Variants in DSCC1 observed in about 807,000 individuals in gnomAD.
The protein encoded by DSCC1 is DNA replication and sister chromatid cohesion 1, also known as sister chromatid cohesion protein DCC1.
A neutral mutation model predicts 48.2 loss-of-function variants in DSCC1; 32 were observed. The ratio of observed to expected loss-of-function variants is 0.66; its 90% CI spans 0.50 to 0.89. DSCC1 has a LOEUF of 0.89. Among genes scored for constraint, DSCC1 ranks in the 40% least tolerant of loss-of-function variants. DSCC1 has a pLI of 0.00. For missense variants in DSCC1, 421 were observed against 471.7 expected (o/e 0.89, Z 1.00); for synonymous variants, 150 against 171.5 (o/e 0.87, Z 0.98).
chr8:119,853,095 C>T lies in DSCC1; in HGVS notation c.303G>A (p.Pro101=), dbSNP rs141075454. Residue 101 remains proline, a synonymous_variant, in exon 2 of 9, where the codon CCG becomes CCA. Transcript: ENST00000313655. ...GTGAATCTTCCTTCTTCAACTGGTC[C>T]GGAGTTTTACAACCAGGAATGAAAA... ...MLLFIPGCKT[P]DQLKKEDSHC... is the part of the protein sequence containing the mutation. The T allele has an allele frequency of 3.0e-5, 49 of 1,613,816 alleles. No individual in the cohort carries two copies. Among genetic ancestry groups the T allele is most frequent in the African/African-American group, 6.7e-5 (5 of 74,974 alleles).
At chr8:119,847,658 CTTCTTT>C (rs200603677) in intron 3 of DSCC1, among the ~76,000 whole-genome samples, 2,866 of 121,576 alleles carry the variant, frequency 0.024, 89 homozygotes, top group African/African-American at 0.077. Context: ...TTTATTTTTT[CTTCTTT>C]TTCTTTTTTT....
At chr8:119,845,051 T>TTTTATTTATTTA (rs67730947) in intron 4 of DSCC1, among the ~76,000 whole-genome samples, 2 of 138,336 alleles carry the variant, frequency 1.4e-5, no homozygotes, top group Admixed American at 7.4e-5. Context: ...TGACATGCCA[T>TTTTATTTATTTA]TTTATTTATT....
Position 119,841,869 on chromosome 8 carries a change from G to A in DSCC1, c.849C>T (p.Phe283=). 3 of 1,614,112 alleles carry A rather than the reference G, an allele frequency of 1.9e-6. No individual in the cohort carries two copies. The highest frequency in any genetic ancestry group is 2.5e-6 in the Non-Finnish European group (3 of 1,180,014). Residue 283 remains phenylalanine, a synonymous_variant, in exon 7 of 9, where the codon TTC becomes TTT. Transcript: ENST00000313655. ...ARMLLQNAVK[F]NLAEFQEVWQ... Reference sequence around the variant, plus strand: ...ACACTTCTTGAAACTCAGCGAGATTGAATTTCACCGCATTCTGAAGTAGCA... The same window carrying A: ...ACACTTCTTGAAACTCAGCGAGATTAAATTTCACCGCATTCTGAAGTAGCA...
chr8:119,849,313 G>A (rs1367764089), intron 3 of DSCC1, among the ~76,000 whole-genome samples: 1 of 152,072 alleles, frequency 6.6e-6, no homozygotes, highest in Non-Finnish European at 1.5e-5. Flanking sequence ...GGCTGAGGCA[G>A]GAGAATCACT....
chr8:119,853,231 G>T lies in DSCC1; in HGVS notation c.183-16C>A. On this transcript the variant is annotated splice_polypyrimidine_tract_variant and intron_variant, in intron 1 of 8. Transcript: ENST00000313655. ...AATCACAAGACTGTAGCAAAATGGGGGAAAAATATATAGTTTATTGACAAT... is the reference window on the plus strand; with the variant it reads ...AATCACAAGACTGTAGCAAAATGGGTGAAAAATATATAGTTTATTGACAAT... 1 of 1,591,618 alleles carries T rather than the reference G, an allele frequency of 6.3e-7. No individual in the cohort carries two copies. Among genetic ancestry groups the T allele is most frequent in the Non-Finnish European group, 8.6e-7 (1 of 1,165,988 alleles).
chr8:119,839,362 G>T (rs1826734020), intron 7 of DSCC1: 1 of 152,220 alleles, frequency 6.6e-6, no homozygotes, highest in Admixed American at 6.5e-5. Flanking sequence ...AGGAAAACAG[G>T]AAACTGAGGC....
chr8:119,844,329 C>T (rs1417864389), intron 4 of DSCC1, among the ~76,000 whole-genome samples: 3 of 151,214 alleles, frequency 2.0e-5, no homozygotes, highest in African/African-American at 7.3e-5. Flanking sequence ...ATCCCAGCTG[C>T]TCAGGAGGCT....
chr8:119,849,542 C>T (rs760667730), intron 3 of DSCC1, among the ~76,000 whole-genome samples: 27 of 152,094 alleles, frequency 1.8e-4, no homozygotes, highest in Non-Finnish European at 3.2e-4. Flanking sequence ...CCAGAATAGG[C>T]AAATCTATAT....
chr8:119,840,246 T>A (rs1826747127), intron 7 of DSCC1: 2 of 152,194 alleles, frequency 1.3e-5, no homozygotes, highest in Admixed American at 1.3e-4. Context: ...TAGAGAGTGG[T>A]GAACCACATA....
At chr8:119,836,217 G>A (rs1826681284) in intron 8 of DSCC1, among the ~76,000 whole-genome samples, 1 of 152,118 alleles carries the variant, frequency 6.6e-6, no homozygotes, top group Non-Finnish European at 1.5e-5. Context: ...GGAGGCTAAG[G>A]CAGGAGAATC....
chr8:119,855,234 T>C (rs1296119123), intron 1 of DSCC1, among the ~76,000 whole-genome samples: 1 of 152,184 alleles, frequency 6.6e-6, no homozygotes, highest in Non-Finnish European at 1.5e-5. Flanking sequence ...CTGAGTAAAA[T>C]AAATATAAGT....
At chr8:119,843,488 C>T in intron 5 of DSCC1, 121 bp downstream of exon 5, 1 of 1,364,122 alleles carries the variant, frequency 7.3e-7, no homozygotes, top group Middle Eastern at 1.9e-4. Flanking sequence ...TAATTGTAAA[C>T]ATTTCTCAAA....
intron 7 of DSCC1, among the ~76,000 whole-genome samples, chr8:119,841,352 A>T (rs149357807): frequency 6.6e-6 from 1 of 152,266 alleles, no homozygotes; most frequent in African/African-American, 2.4e-5. Flanking sequence ...GGAAGGGAGC[A>T]AAATTAAAAG....
rs370206719 is a variant in DSCC1 at position 119,841,965 on chromosome 8, A to C, written c.770-17T>G. The C allele has an allele frequency of 7.5e-6, 12 of 1,610,140 alleles. No individual in the cohort carries two copies. Among genetic ancestry groups the C allele is most frequent in the Non-Finnish European group, 1.0e-5 (12 of 1,177,228 alleles). The stretch of plus-strand genomic sequence containing the variant: ...AAACTTCGCCTAAGGAAAAGTTATC[A>C]GATATTTTCATATTATCATCTTACA... On this transcript the variant is annotated splice_polypyrimidine_tract_variant and intron_variant, in intron 6 of 8. Transcript: ENST00000313655.
At chr8:119,846,100 T>G (rs1826851951) in intron 4 of DSCC1, among the ~76,000 whole-genome samples, 1 of 150,340 alleles carries the variant, frequency 6.7e-6, no homozygotes, top group South Asian at 2.1e-4. Flanking sequence ...TTAGACTATT[T>G]GATGTCTAAG....
chr8:119,852,791 C>T (rs62526623), intron 2 of DSCC1: 17,064 of 311,392 alleles, frequency 0.055, 579 homozygotes, highest in Middle Eastern at 0.093. Context: ...CATTGAATAA[C>T]AAACTTTGCA....
chr8:119,854,127 G>A (rs941810550), intron 1 of DSCC1, among the ~76,000 whole-genome samples: 1 of 152,058 alleles, frequency 6.6e-6, no homozygotes, highest in Admixed American at 6.6e-5. Context: ...TGGGAGGATC[G>A]CCTGACCCCA....
intron 3 of DSCC1, 55 bp from the exon 4 acceptor site, chr8:119,847,135 T>G: frequency 1.0e-5 from 15 of 1,473,376 alleles, no homozygotes; most frequent in Non-Finnish European, 1.4e-5. Context: ...GTTTTTAGAT[T>G]TCTTGCTGAA....
chr8:119,854,874 AAGAC>A (rs1258019450), intron 1 of DSCC1, among the ~76,000 whole-genome samples: 1 of 152,220 alleles, frequency 6.6e-6, no homozygotes. Context: ...CGAAAACTGA[AAGAC>A]AGCCTAAAGG....
Sources: allele counts gnomAD v4.1 joint callset (sites outside exome capture counted in the v4.1 genomes callset), GRCh38; gene constraint gnomAD v4.1.1; transcripts MANE v1.5; gene names NCBI Gene and HGNC (gene_info 2026-07-23, HGNC 2026-07-21).